Variants in SLC6A2 observed in about 807,000 individuals in gnomAD.
SLC6A2 encodes the protein solute carrier family 6 member 2.
A neutral mutation model predicts 71.7 loss-of-function variants in SLC6A2; 26 were observed. The observed-to-expected ratio is 0.36, with a 90% confidence interval of 0.27 to 0.50. The LOEUF (loss-of-function observed/expected upper bound fraction) is 0.50. SLC6A2 is among the 20% of genes least tolerant of loss of function. The pLI is 0.96. For missense variants in SLC6A2, 581 were observed against 803.9 expected (o/e 0.72, Z 3.35); for synonymous variants, 363 against 337.9 (o/e 1.07, Z -0.82).
intron 4 of SLC6A2, among the ~76,000 whole-genome samples, chr16:55,680,506 A>G (rs181556667): frequency 4.9e-4 from 74 of 152,292 alleles, no homozygotes; most frequent in African/African-American, 1.7e-3. Flanking sequence ...GCAGGCCAGA[A>G]GACTAAACCA....
intron 6 of SLC6A2, among the ~76,000 whole-genome samples, chr16:55,693,361 C>A (rs925727886): frequency 1.8e-5 from 2 of 110,988 alleles, no homozygotes; most frequent in Admixed American, 9.1e-5. Flanking sequence ...CAGAGTGAGA[C>A]CCTGCTTAAA....
chr16:55,672,011 C>T lies in SLC6A2; in HGVS notation c.480C>T (p.Leu160=), dbSNP rs768139475. The change falls in exon 4 of 15, where the codon CTC becomes CTT. Residue 160 remains leucine, a synonymous_variant. Transcript: ENST00000568943. The stretch of plus-strand genomic sequence containing the variant: ...ACAACGTCATCATCGCCTGGTCACT[C>T]TACTACCTCTTCTCCTCCTTCACCC... ...FYYNVIIAWS[L]YYLFSSFTLN... The T allele has an allele frequency of 4.3e-6, 7 of 1,614,068 alleles. No homozygotes were observed. The South Asian group carries it at 6.6e-5, about 15-fold the overall frequency.
chr16:55,685,802 G>A (rs1193674188), intron 5 of SLC6A2, among the ~76,000 whole-genome samples: 1 of 152,174 alleles, frequency 6.6e-6, no homozygotes, highest in Non-Finnish European at 1.5e-5. Context: ...TGCCCCCAGG[G>A]TTCCAGGTGC....
At chr16:55,675,772 A>T (rs573921707) in intron 4 of SLC6A2, among the ~76,000 whole-genome samples, 1 of 138,330 alleles carries the variant, frequency 7.2e-6, no homozygotes, top group Non-Finnish European at 1.6e-5. Flanking sequence ...CAGTGCAAAA[A>T]AGTGTGGAAA....
In SLC6A2 at chr16:55,656,370, C is replaced by T. The variant is rs1964447420; in HGVS notation, c.-52+201C>T. 3 of 450,666 alleles carry T rather than the reference C, an allele frequency of 6.7e-6. No individual in the cohort carries two copies. Among genetic ancestry groups the T allele is most frequent in the Non-Finnish European group, 8.2e-6 (2 of 243,854 alleles). 27.9% of individuals were successfully genotyped at this position (450,666 alleles called of 1,614,324 possible). ...CAGCCTCGGTGAGTTCAATCCCAGCCATTTGGGGCAGGCGAGAGTGGGTGA... is the reference window on the plus strand; with the variant it reads ...CAGCCTCGGTGAGTTCAATCCCAGCTATTTGGGGCAGGCGAGAGTGGGTGA... On this transcript the variant is annotated intron_variant, in intron 1 of 14. Coordinates refer to ENST00000568943, the MANE Select transcript of SLC6A2 (RefSeq NM_001172501.3). This position sits in a 1 kb window ranked among gnomAD's most constrained non-coding sequence, Gnocchi z 4.5.
chr16:55,677,798 T>C (rs1191496433), intron 4 of SLC6A2, among the ~76,000 whole-genome samples: 1 of 152,182 alleles, frequency 6.6e-6, no homozygotes, highest in African/African-American at 2.4e-5. Context: ...TAGCTGGGAC[T>C]ATAAGCATGT....
chr16:55,670,034 G>A (rs946422941), intron 3 of SLC6A2, among the ~76,000 whole-genome samples: 4 of 152,310 alleles, frequency 2.6e-5, no homozygotes, highest in Non-Finnish European at 2.9e-5. Flanking sequence ...CATGGCAGGC[G>A]TTAGAAGTTG....
At position 55,694,026 on chromosome 16, in the gene SLC6A2, C is replaced by T; in HGVS notation, c.935C>T (p.Ala312Val). The part of the protein sequence containing the change: ...LKEATVWIDA[A>V]TQIFFSLGAG... Reference sequence around the variant, plus strand: ...TGGTTTCAGGTATGGATTGATGCCGCAACTCAGATATTTTTTTCCTTGGGG... The same window carrying T: ...TGGTTTCAGGTATGGATTGATGCCGTAACTCAGATATTTTTTTCCTTGGGG... The change falls in exon 7 of 15, where the codon GCA (alanine) becomes GTA (valine). Residue 312 changes from alanine to valine, a missense_variant. Coordinates refer to ENST00000568943, the MANE Select transcript of SLC6A2 (RefSeq NM_001172501.3). 1 of 1,612,926 alleles carries T rather than the reference C, an allele frequency of 6.2e-7. No homozygotes were observed. The highest frequency in any genetic ancestry group is 8.5e-7 in the Non-Finnish European group (1 of 1,178,890).
intron 3 of SLC6A2, 100 bp from the exon 4 acceptor site, chr16:55,671,838 A>G (rs551218645): frequency 1.9e-4 from 305 of 1,575,600 alleles, no homozygotes; most frequent in South Asian, 7.9e-4. Flanking sequence ...GAAACGAGAG[A>G]CAGAGGGAAT....
At chr16:55,661,060 C>T (rs1323478705) in intron 2 of SLC6A2, among the ~76,000 whole-genome samples, 1 of 152,192 alleles carries the variant, frequency 6.6e-6, no homozygotes, top group South Asian at 2.1e-4. Flanking sequence ...TTGTTCAGAA[C>T]CTTCTCAAAT....
intron 2 of SLC6A2, among the ~76,000 whole-genome samples, chr16:55,658,519 C>CAA (rs112026296): frequency 2.8e-5 from 4 of 144,878 alleles, no homozygotes; most frequent in African/African-American, 1.0e-4. Context: ...GACTCTGTCT[C>CAA]AAAAAAAAAA....
Position 55,701,908 on chromosome 16 carries a change from G to T in SLC6A2, c.1804G>T (p.Ala602Ser). ...ITPENEHHLV[A>S]QRDIRQFQLQ... ...GCCAGAGAACGAGCACCACCTGGTG[G>T]CTCAGAGGGACATCAGACAGTTCCA... The change falls in exon 14 of 15, where the codon GCT becomes TCT. Residue 602 changes from alanine (A) to serine (S), a missense_variant. Transcript: ENST00000568943. 6.2e-7 allele frequency: 1 copy of T among 1,613,954 alleles called. No individual in the cohort carries two copies.
At position 55,696,318 on chromosome 16, in the gene SLC6A2, C is replaced by G; in HGVS notation, c.1241C>G (p.Ala414Gly). Reference sequence around the variant, plus strand: ...GTTGTGTTTTTCGTCATGCTCCTGGCGCTGGGCCTTGACAGCTCAGTGAGT... The same window carrying G: ...GTTGTGTTTTTCGTCATGCTCCTGGGGCTGGGCCTTGACAGCTCAGTGAGT... ...WAVVFFVMLL[A>G]LGLDSSMGGM... The change falls in exon 9 of 15, where the codon GCG becomes GGG. Residue 414 changes from alanine (A) to glycine (G), a missense_variant. Transcript: ENST00000568943. The G allele has an allele frequency of 6.2e-7, 1 of 1,610,576 alleles. No individual in the cohort carries two copies. Among genetic ancestry groups the G allele is most frequent in the Non-Finnish European group, 8.5e-7 (1 of 1,177,334 alleles).
intron 4 of SLC6A2, among the ~76,000 whole-genome samples, chr16:55,677,139 A>G (rs571399343): frequency 6.6e-6 from 1 of 152,310 alleles, no homozygotes; most frequent in Non-Finnish European, 1.5e-5. Flanking sequence ...GACTCATGTC[A>G]TGGAAAATCT....
Position 55,692,038 on chromosome 16 carries a change from T to G in SLC6A2, c.904T>G (p.Leu302Val). ...NAYLHIDFYRLKEATVWIDAA... is the reference protein window; with the variant it reads ...NAYLHIDFYRVKEATVWIDAA... ...CTACCTGCACATCGACTTCTACCGCTTGAAAGAGGCCACGGTCAGTGCTCA... is the reference window on the plus strand; with the variant it reads ...CTACCTGCACATCGACTTCTACCGCGTGAAAGAGGCCACGGTCAGTGCTCA... The change falls in exon 6 of 15, where the codon TTG becomes GTG. Residue 302 changes from leucine (L) to valine (V), a missense_variant. Physicochemically the swap from Leu to Val is conservative, Grantham distance 32. This residue lies in a region of SLC6A2 where 334 missense variants were observed against 449.0 expected (regional missense o/e 0.74). Coordinates refer to ENST00000568943, the MANE Select transcript of SLC6A2 (RefSeq NM_001172501.3). 1 of 1,614,156 alleles carries G rather than the reference T, an allele frequency of 6.2e-7. No homozygotes were observed. The highest frequency in any genetic ancestry group is 8.5e-7 in the Non-Finnish European group (1 of 1,180,024).
intron 4 of SLC6A2, among the ~76,000 whole-genome samples, chr16:55,674,816 C>T (rs906751347): frequency 6.6e-6 from 1 of 152,176 alleles, no homozygotes; most frequent in African/African-American, 2.4e-5. Context: ...TGAACATCCA[C>T]GCGCAGGTGT....
At chr16:55,696,438 CA>C in intron 9 of SLC6A2, 101 bp downstream of exon 9, 1 of 778,472 alleles carries the variant, frequency 1.3e-6, no homozygotes, top group South Asian at 1.4e-5. Context: ...ATTCAAACAC[CA>C]GGTTAACAGT....
At chr16:55,669,937 C>T (rs1457288003) in intron 3 of SLC6A2, among the ~76,000 whole-genome samples, 2 of 152,096 alleles carry the variant, frequency 1.3e-5, no homozygotes, top group Admixed American at 1.3e-4. Flanking sequence ...TGCTGAGTAC[C>T]CAGAGAATCT....
chr16:55,690,100 A>G (rs961385212), intron 5 of SLC6A2, among the ~76,000 whole-genome samples: 9 of 151,984 alleles, frequency 5.9e-5, no homozygotes, highest in African/African-American at 2.2e-4. Context: ...CACCCACCTA[A>G]TCATCTTATC....
Sources: gnomAD v4.1 joint callset for allele counts (sites outside exome capture counted in the v4.1 genomes callset) on GRCh38, gnomAD v4.1.1 for gene constraint, gnomAD v4.1.1 regional missense constraint, Gnocchi (gnomAD v3.1) non-coding constraint, MANE v1.5 for transcripts, NCBI Gene and HGNC (gene_info 2026-07-23, HGNC 2026-07-21) for gene names.